PCNX2: variants seen among roughly 807,000 people sequenced by gnomAD.
The protein encoded by PCNX2 is pecanex 2.
In PCNX2, 168 loss-of-function variants were observed where a neutral mutation model predicts 223.8. The ratio of observed to expected loss-of-function variants is 0.75; its 90% confidence interval spans 0.66 to 0.85. The LOEUF is 0.85. Ranked by LOEUF, PCNX2 falls within the 40% of genes least tolerant of loss-of-function variation. PCNX2 has a pLI of 0.00. For missense variants in PCNX2, 2,507 were observed against 2,675.5 expected (o/e 0.94, Z 1.39); for synonymous variants, 1,006 against 1,052.6 (o/e 0.96, Z 0.86).
At chr1:233,158,514 A>G (rs1045481425) in intron 19 of PCNX2, among the ~76,000 whole-genome samples, 1 of 152,226 alleles carries the variant, frequency 6.6e-6, no homozygotes, top group Admixed American at 6.5e-5. Flanking sequence ...AGGTACAGGT[A>G]TAGGTAAAGA....
intron 23 of PCNX2, among the ~76,000 whole-genome samples, chr1:233,066,622 C>T (rs1672620853): frequency 6.6e-6 from 1 of 152,200 alleles, no homozygotes; most frequent in Non-Finnish European, 1.5e-5. Flanking sequence ...CACCCACTTG[C>T]ACACACACCC....
chr1:233,197,332 A>G (rs976548074), intron 15 of PCNX2, among the ~76,000 whole-genome samples: 11 of 152,180 alleles, frequency 7.2e-5, no homozygotes, highest in African/African-American at 1.9e-4. Context: ...CTGCAGAAAA[A>G]CACCTGTGAC....
At chr1:233,018,977 C>T in intron 26 of PCNX2, 3 of 985,364 alleles carry the variant, frequency 3.0e-6, no homozygotes, top group Non-Finnish European at 3.6e-6. Flanking sequence ...GCTGAGAAAC[C>T]CTTTTCTAGG....
chr1:233,139,522 T>G lies in PCNX2; in HGVS notation c.3659+192A>C, dbSNP rs956824608. Among the ~76,000 whole-genome samples the G allele has an allele frequency of 2.0e-5, 3 of 152,186 alleles. No homozygotes were observed. The highest frequency in any genetic ancestry group is 7.2e-5 in the African/African-American group (3 of 41,444). On this transcript the variant is annotated intron_variant, in intron 20 of 33. Transcript: ENST00000258229. This position sits in a 1 kb window ranked among gnomAD's most constrained non-coding sequence, Gnocchi z 4.4. Reference sequence around the variant, plus strand: ...TCATTTCAAGCAGATCTAACTTCATTTGCACCCCAGTCATTCTACAATAAC... The same window carrying G: ...TCATTTCAAGCAGATCTAACTTCATGTGCACCCCAGTCATTCTACAATAAC...
At chr1:233,134,872 G>A (rs1676717099) in intron 21 of PCNX2, 141 bp downstream of exon 21, 1 of 711,356 alleles carries the variant, frequency 1.4e-6, no homozygotes, top group Non-Finnish European at 2.3e-6. Context: ...ATGGTAGCAA[G>A]AGTTTAACAT....
chr1:233,098,047 G>A (rs913538964), intron 21 of PCNX2, among the ~76,000 whole-genome samples: 3 of 152,154 alleles, frequency 2.0e-5, no homozygotes, highest in Admixed American at 6.5e-5. Context: ...AGAATTCTTA[G>A]TTGAGTTATT....
intron 26 of PCNX2, among the ~76,000 whole-genome samples, chr1:233,019,527 A>C (rs1476471190): frequency 6.6e-6 from 1 of 152,130 alleles, no homozygotes; most frequent in Non-Finnish European, 1.5e-5. Context: ...GTTTAGAATG[A>C]GACAATCTAT....
At chr1:233,089,785 G>T in intron 23 of PCNX2, 2 of 975,974 alleles carry the variant, frequency 2.0e-6, no homozygotes, top group East Asian at 5.2e-5. Flanking sequence ...GGTCACCTAC[G>T]AAAATTTGGC....
chr1:233,178,789 G>T (rs535109901), intron 16 of PCNX2, among the ~76,000 whole-genome samples: 1 of 152,280 alleles, frequency 6.6e-6, no homozygotes, highest in Admixed American at 6.5e-5. Context: ...GGGCTTGGGT[G>T]CTATCGACCC....
intron 8 of PCNX2, among the ~76,000 whole-genome samples, chr1:233,249,615 G>A (rs74438711): frequency 0.033 from 5,024 of 152,288 alleles, 110 homozygotes; most frequent in Non-Finnish European, 0.053. Flanking sequence ...GGAAAAGGAG[G>A]AAGAGTGGAC....
chr1:233,319,765 G>A, the PCNX2 span, among the ~76,000 whole-genome samples: 3 of 152,096 alleles, frequency 2.0e-5, no homozygotes, highest in African/African-American at 7.2e-5. Context: ...ACCTCAAAGA[G>A]TTTTTGTGTA....
chr1:233,218,421 T>G (rs199901114), intron 10 of PCNX2, among the ~76,000 whole-genome samples: 74 of 151,498 alleles, frequency 4.9e-4, no homozygotes, highest in Non-Finnish European at 6.9e-4. Context: ...GCTAATTTTT[T>G]TATTTTTTTT....
chr1:233,271,648 G>C (rs1660644017), intron 1 of PCNX2, among the ~76,000 whole-genome samples: 1 of 152,202 alleles, frequency 6.6e-6, no homozygotes, highest in African/African-American at 2.4e-5. Context: ...GTTGATTTTT[G>C]TATAAGGTGA....
intron 1 of PCNX2, chr1:233,289,391 GAACTCGT>G: frequency 7.2e-7 from 1 of 1,380,766 alleles, no homozygotes; most frequent in Non-Finnish European, 1.0e-6. Context: ...TGCGGGACTC[GAACTCGT>G]CCGGCTTCTC....
chr1:233,176,855 A>C (rs1403463937), intron 17 of PCNX2, among the ~76,000 whole-genome samples: 2 of 152,198 alleles, frequency 1.3e-5, no homozygotes, highest in Non-Finnish European at 2.9e-5. Context: ...CTACTAAAAA[A>C]ATACAAAAAA....
Position 233,295,552 on chromosome 1 carries a change from A to G in PCNX2, c.-74T>C, listed in dbSNP as rs1305849150. On this transcript the variant is annotated 5_prime_UTR_variant, in exon 1 of 34. Coordinates refer to ENST00000258229, the MANE Select transcript of PCNX2 (RefSeq NM_014801.4). This position sits in a 1 kb window ranked among gnomAD's most constrained non-coding sequence, Gnocchi z 4.1. ...CCCGGCCGGATCTCCAGGCTCCCTC[A>G]GGTCTAACACCCGGGCCCGCGGGCC... 2.1e-6 allele frequency: 3 copies of G among 1,415,602 alleles called. No homozygotes were observed. The highest frequency in any genetic ancestry group is 1.5e-5 in the African/African-American group (1 of 66,558). 87.7% of individuals were successfully genotyped at this position (1,415,602 alleles called of 1,614,324 possible). A position where few individuals can be genotyped will look rare whatever the true frequency, so the allele number is the denominator to read the frequency against.
intron 21 of PCNX2, among the ~76,000 whole-genome samples, chr1:233,132,174 G>A (rs979026798): frequency 5.9e-5 from 9 of 151,992 alleles, no homozygotes; most frequent in African/African-American, 1.9e-4. Context: ...TCCTGACCTC[G>A]GGTAATCCAC....
intron 32 of PCNX2, among the ~76,000 whole-genome samples, chr1:232,994,612 T>C (rs1318344309): frequency 1.3e-5 from 2 of 151,988 alleles, no homozygotes; most frequent in African/African-American, 4.8e-5. Flanking sequence ...TGAAAGGGCA[T>C]GAGATTTAGG....
chr1:233,054,412 C>T lies in PCNX2; in HGVS notation c.4207G>A (p.Gly1403Arg). 1 of 1,613,840 alleles carries T rather than the reference C, an allele frequency of 6.2e-7. No homozygotes were observed. The highest frequency in any genetic ancestry group is 8.5e-7 in the Non-Finnish European group (1 of 1,179,830). ...LTRTLQESLC[G>R]DLVLGRWGNY... ...CCCCAACGTCCAAGAACTAAGTCTC[C>T]ACAGAGGGACTCCTGGAGGGTCCTT... Residue 1403 changes from glycine to arginine, a missense_variant, in exon 25 of 34, where the codon GGA becomes AGA. Around this residue, in one of 3 missense-constraint regions of PCNX2, gnomAD observed 1,372 missense variants for 1,509.4 expected, o/e 0.91. Coordinates refer to ENST00000258229, the MANE Select transcript of PCNX2 (RefSeq NM_014801.4).
Sources: gnomAD v4.1 joint callset for allele counts (sites outside exome capture counted in the v4.1 genomes callset) on GRCh38, gnomAD v4.1.1 for gene constraint, gnomAD v4.1.1 regional missense constraint, Gnocchi (gnomAD v3.1) non-coding constraint, MANE v1.5 for transcripts, NCBI Gene and HGNC (gene_info 2026-07-23, HGNC 2026-07-21) for gene names.